Variants in CACNA1B observed in about 807,000 individuals in gnomAD.
CACNA1B encodes voltage-dependent N-type calcium channel subunit alpha-1B.
A neutral mutation model predicts 247.2 loss-of-function variants in CACNA1B; 70 were observed. The ratio of observed to expected loss-of-function variants is 0.28; its 90% CI spans 0.23 to 0.35. The LOEUF (loss-of-function observed/expected upper bound fraction) is 0.35, where lower values mean the gene tolerates loss of function less well. Ranked by LOEUF, CACNA1B falls within the 10% of genes least tolerant of loss-of-function variation. The pLI, the probability that CACNA1B is intolerant of heterozygous loss-of-function variation, is 1.00. For missense variants in CACNA1B, 2,367 were observed against 3,197.4 expected (o/e 0.74, Z 6.26); for synonymous variants, 1,231 against 1,294.4 (o/e 0.95, Z 1.05).
intron 10 of CACNA1B, among the ~76,000 whole-genome samples, chr9:137,959,071 TTTAA>T (rs1415901388): frequency 3.3e-5 from 5 of 152,154 alleles, no homozygotes; most frequent in African/African-American, 1.2e-4. Context: ...TTTTATTTTA[TTTAA>T]TTAATTTTTT....
At chr9:138,120,974 G>C in intron 46 of CACNA1B, 93 bp downstream of exon 46, 1 of 1,394,630 alleles carries the variant, frequency 7.2e-7, no homozygotes, top group African/African-American at 1.5e-5. Context: ...CCAGGGCCTC[G>C]CTGCTGCCCT....
chr9:137,973,778 C>T lies in CACNA1B; in HGVS notation c.1544-2129C>T, dbSNP rs1958184765. On this transcript the variant is annotated intron_variant, in intron 11 of 46. Coordinates refer to ENST00000371372, the MANE Select transcript of CACNA1B (RefSeq NM_000718.4). The surrounding 1 kb of genome is among the most constrained non-coding windows in gnomAD (Gnocchi z 4.1). Reference sequence around the variant, plus strand: ...CCCTTTCTGGGCCTCAGAGTGGAGGCTGAGTATGTGAGGCTGAGGGCCTCT... The same window carrying T: ...CCCTTTCTGGGCCTCAGAGTGGAGGTTGAGTATGTGAGGCTGAGGGCCTCT... Among the ~76,000 whole-genome samples, 2 of 152,160 alleles carry T rather than the reference C, an allele frequency of 1.3e-5. No homozygotes were observed. The highest frequency in any genetic ancestry group is 4.1e-4 in the South Asian group (2 of 4,826).
chr9:137,988,404 G>A (rs1958392950), intron 15 of CACNA1B, among the ~76,000 whole-genome samples: 2 of 152,084 alleles, frequency 1.3e-5, no homozygotes, highest in African/African-American at 2.4e-5. Flanking sequence ...ATGCCAGGGG[G>A]GTGGCATGGT....
chr9:137,896,024 G>T (rs1347328565), intron 3 of CACNA1B, among the ~76,000 whole-genome samples: 1 of 152,156 alleles, frequency 6.6e-6, no homozygotes, highest in Non-Finnish European at 1.5e-5. Flanking sequence ...CAGATCACGA[G>T]GTCAGGAGAT....
In CACNA1B at chr9:138,120,278, G is replaced by C. The variant is rs187721569; in HGVS notation, c.6144G>C (p.Ser2048=). ...TPDRPPPSQA[S]SHHHHHRCHR... Reference sequence around the variant, plus strand: ...ACCGCCCACCCCCTAGCCAGGCGTCGTCGCACCACCACCACCACCGCTGCC... The same window carrying C: ...ACCGCCCACCCCCTAGCCAGGCGTCCTCGCACCACCACCACCACCGCTGCC... The change falls in exon 45 of 47, where the codon TCG becomes TCC. Residue 2048 remains serine, a synonymous_variant. Coordinates refer to ENST00000371372, the MANE Select transcript of CACNA1B (RefSeq NM_000718.4). 1 of 1,584,210 alleles carries C rather than the reference G, an allele frequency of 6.3e-7. No homozygotes were observed. Among genetic ancestry groups the C allele is most frequent in the South Asian group, 1.1e-5 (1 of 87,468 alleles).
intron 6 of CACNA1B, among the ~76,000 whole-genome samples, chr9:137,920,617 A>G (rs971037786): frequency 5.3e-5 from 8 of 152,238 alleles, no homozygotes; most frequent in African/African-American, 1.9e-4. Context: ...ATCTAGGGGC[A>G]TGGGAAGGAT....
In CACNA1B at chr9:138,105,732, G is replaced by C; in HGVS notation, c.5353G>C (p.Glu1785Gln). The change falls in exon 39 of 47, where the codon GAG becomes CAG. Residue 1785 changes from glutamate (E) to glutamine (Q), a missense_variant. Transcript: ENST00000371372. ...LVRMNMPISN[E>Q]DMTVHFTSTL... ...TCGCATGAACATGCCCATCTCCAAC[G>C]AGGACATGACTGTTCACTTCACGTC... 6.4e-7 allele frequency: 1 copy of C among 1,564,808 alleles called. No homozygotes were observed. Among genetic ancestry groups the C allele is most frequent in the Non-Finnish European group, 8.7e-7 (1 of 1,155,526 alleles).
intron 34 of CACNA1B, among the ~76,000 whole-genome samples, chr9:138,074,549 C>T (rs1390659908): frequency 1.3e-5 from 2 of 152,208 alleles, no homozygotes; most frequent in African/African-American, 4.8e-5. Context: ...CCTAAACTTA[C>T]GTAACCCTCA....
At chr9:137,941,461 A>C (rs928068602) in intron 6 of CACNA1B, among the ~76,000 whole-genome samples, 5 of 152,222 alleles carry the variant, frequency 3.3e-5, no homozygotes, top group African/African-American at 1.2e-4. Context: ...AACACATCCC[A>C]TGCTTATGGA....
chr9:138,098,783 G>A lies in CACNA1B; in HGVS notation c.5222+2172G>A, dbSNP rs1440522568. On this transcript the variant is annotated intron_variant, in intron 37 of 46. Coordinates refer to ENST00000371372, the MANE Select transcript of CACNA1B (RefSeq NM_000718.4). The stretch of plus-strand genomic sequence containing the variant: ...ACAGGCCTCACCCCAGAGATAGCAC[G>A]CACAAAATAACACACAAAACCTGCG... 9.8e-5 allele frequency among the ~76,000 whole-genome samples: 15 copies of A among 152,310 alleles called. No individual in the cohort carries two copies. In the Middle Eastern group the frequency reaches 0.01, roughly 104 times the overall value.
intron 38 of CACNA1B, among the ~76,000 whole-genome samples, chr9:138,104,378 A>T (rs1364072109): frequency 6.6e-6 from 1 of 151,506 alleles, no homozygotes; most frequent in African/African-American, 2.4e-5. Flanking sequence ...GCTATCCCCA[A>T]CGCCCCCCAA....
intron 6 of CACNA1B, among the ~76,000 whole-genome samples, chr9:137,928,046 A>C (rs1363868563): frequency 6.6e-6 from 1 of 152,146 alleles, no homozygotes; most frequent in Non-Finnish European, 1.5e-5. Flanking sequence ...ATTTTTACTA[A>C]GGAGTCTTAC....
At chr9:138,015,444 T>C (rs1958779444) in intron 18 of CACNA1B, among the ~76,000 whole-genome samples, 1 of 146,800 alleles carries the variant, frequency 6.8e-6, no homozygotes, top group African/African-American at 2.7e-5. Flanking sequence ...CTGTCTGTCA[T>C]CTGTCCTCGT....
intron 11 of CACNA1B, among the ~76,000 whole-genome samples, chr9:137,975,279 G>C (rs539738678): frequency 1.3e-5 from 2 of 152,286 alleles, no homozygotes; most frequent in Admixed American, 1.3e-4. Context: ...ACAGTGCAAG[G>C]GGACAGTGCC....
At position 138,058,298 on chromosome 9, in the gene CACNA1B, C is replaced by G. The variant is rs776694130; in HGVS notation, c.4308+48C>G. On this transcript the variant is annotated intron_variant, in intron 28 of 46. Transcript: ENST00000371372. This position sits in a 1 kb window ranked among gnomAD's most constrained non-coding sequence, Gnocchi z 4.7. ...CTTGCAGTGGACAGCGTGGGCAGCG[C>G]CATCAGGCTTCCCTCCTGCACACAA... The G allele has an allele frequency of 6.8e-7, 1 of 1,462,790 alleles. No individual in the cohort carries two copies. Among genetic ancestry groups the G allele is most frequent in the African/African-American group, 1.4e-5 (1 of 71,546 alleles). The allele number at this position is 1,462,790 out of a possible 1,614,324, so 90.6% of individuals were successfully genotyped here. A position where few individuals can be genotyped will look rare whatever the true frequency, so the allele number is the denominator to read the frequency against.
intron 40 of CACNA1B, 92 bp downstream of exon 40, chr9:138,112,597 A>G: frequency 1.2e-6 from 1 of 843,358 alleles, no homozygotes; most frequent in Middle Eastern, 2.6e-4. Context: ...GTGAGGGATG[A>G]AGGGCAGGCC....
chr9:138,022,417 C>G (rs1958856078), intron 18 of CACNA1B, among the ~76,000 whole-genome samples: 1 of 152,160 alleles, frequency 6.6e-6, no homozygotes, highest in Non-Finnish European at 1.5e-5. Flanking sequence ...TGGCTGCTGT[C>G]TGCTCTGCCA....
chr9:138,075,927 G>T lies in CACNA1B; in HGVS notation c.4949+17G>T. The T allele has an allele frequency of 6.4e-7, 1 of 1,563,986 alleles. No individual in the cohort carries two copies. The highest frequency in any genetic ancestry group is 8.8e-7 in the Non-Finnish European group (1 of 1,139,020). ...GCTGTTCAGGTGTGTTGTTCGGTCA[G>T]CCCAGGCCAATGTCTGCTCTTCCGT... On this transcript the variant is annotated intron_variant, in intron 35 of 46. Coordinates refer to ENST00000371372, the MANE Select transcript of CACNA1B (RefSeq NM_000718.4).
In CACNA1B at chr9:137,986,677, C is replaced by T. The variant is rs1262787338; in HGVS notation, c.1902-105C>T. The stretch of plus-strand genomic sequence containing the variant: ...GGTCCTCAGAGGGGCCAGTGTGCAG[C>T]CATCTGCAGCCTGAAGCGAGCAGGT... On this transcript the variant is annotated intron_variant, in intron 14 of 46. Coordinates refer to ENST00000371372, the MANE Select transcript of CACNA1B (RefSeq NM_000718.4). The surrounding 1 kb of genome is among the most constrained non-coding windows in gnomAD (Gnocchi z 6.0). 38 of 1,399,048 alleles carry T rather than the reference C, an allele frequency of 2.7e-5. No individual in the cohort carries two copies. The highest frequency in any genetic ancestry group is 3.4e-5 in the Non-Finnish European group (34 of 986,562). The allele number at this position is 1,399,048 out of a possible 1,614,324, so 86.7% of individuals were successfully genotyped here. A position where few individuals can be genotyped will look rare whatever the true frequency, so the allele number is the denominator to read the frequency against.
Sources: allele counts gnomAD v4.1 joint callset (sites outside exome capture counted in the v4.1 genomes callset), GRCh38; gene constraint gnomAD v4.1.1; non-coding constraint Gnocchi (gnomAD v3.1); transcripts MANE v1.5; gene names NCBI Gene and HGNC (gene_info 2026-07-23, HGNC 2026-07-21).